ARPC2: variants seen among roughly 807,000 people sequenced by gnomAD.
The protein encoded by ARPC2 is actin related protein 2/3 complex subunit 2.
Under a neutral mutation model 38.6 loss-of-function variants are expected in ARPC2, and 4 were observed. That is an observed-to-expected ratio of 0.10 (90% confidence interval 0.05 to 0.24). The LOEUF (loss-of-function observed/expected upper bound fraction) is 0.24, where lower values mean the gene tolerates loss of function less well. Ranked by LOEUF, ARPC2 falls within the 10% of genes least tolerant of loss-of-function variation. The pLI is 1.00. For synonymous variants in ARPC2, 125 were observed against 140.8 expected, an observed-to-expected ratio of 0.89 and a Z score of 0.79; for missense variants, 229 against 387.3, an observed-to-expected ratio of 0.59 and a Z score of 3.43.
intron 10 of ARPC2, among the ~76,000 whole-genome samples, chr2:218,252,271 C>T (rs569153112): frequency 2.6e-5 from 4 of 152,276 alleles, no homozygotes; most frequent in African/African-American, 9.6e-5. Context: ...TAGGCAAAGG[C>T]CTGTCTCTGT....
chr2:218,227,612 A>G (rs1437182809), intron 3 of ARPC2, among the ~76,000 whole-genome samples: 1 of 149,516 alleles, frequency 6.7e-6, no homozygotes, highest in Non-Finnish European at 1.5e-5. Context: ...TTTTTTCCAG[A>G]CAGCGTCTTG....
intron 8 of ARPC2, among the ~76,000 whole-genome samples, chr2:218,247,652 CAG>C (rs1359247558): frequency 1.3e-5 from 2 of 151,940 alleles, no homozygotes; most frequent in African/African-American, 2.4e-5. Context: ...TCAGTAGAAA[CAG>C]GGTTTCCAGC....
intron 4 of ARPC2, among the ~76,000 whole-genome samples, chr2:218,229,718 G>A (rs1689585747): frequency 6.6e-6 from 1 of 152,172 alleles, no homozygotes. Context: ...ACTAAAATTA[G>A]TCTTAATACC....
At chr2:218,246,359 T>C (rs893657665) in intron 8 of ARPC2, among the ~76,000 whole-genome samples, 22 of 150,926 alleles carry the variant, frequency 1.5e-4, no homozygotes, top group Admixed American at 1.3e-3. Context: ...ACTCCGTCTC[T>C]ACCAAAAAAA....
At chr2:218,223,424 G>T (rs1689427948) in intron 2 of ARPC2, among the ~76,000 whole-genome samples, 1 of 149,806 alleles carries the variant, frequency 6.7e-6, no homozygotes. Flanking sequence ...GAGTAATGAT[G>T]CTGGCAATTT....
At chr2:218,235,241 T>C in intron 5 of ARPC2, 1 of 185,568 alleles carries the variant, frequency 5.4e-6, no homozygotes, top group Non-Finnish European at 1.1e-5. Context: ...GGTACAGTCA[T>C]AGCTCACTGC....
chr2:218,242,823 T>C (rs1237434352), intron 7 of ARPC2, among the ~76,000 whole-genome samples: 1 of 152,198 alleles, frequency 6.6e-6, no homozygotes, highest in East Asian at 1.9e-4. Flanking sequence ...TTCTGTAGGG[T>C]CATTGAGCTT....
intron 10 of ARPC2, among the ~76,000 whole-genome samples, chr2:218,250,690 A>C (rs914333513): frequency 1.3e-5 from 2 of 150,412 alleles, no homozygotes; most frequent in South Asian, 2.1e-4. Flanking sequence ...ATTTGAGGAG[A>C]GCCCTAAATA....
At chr2:218,242,046 G>T (rs963676263) in intron 7 of ARPC2, among the ~76,000 whole-genome samples, 1 of 152,222 alleles carries the variant, frequency 6.6e-6, no homozygotes, top group Non-Finnish European at 1.5e-5. Flanking sequence ...GTTCCTCATG[G>T]TCACTAGTCT....
Position 218,217,208 on chromosome 2 carries a change from C to CGGCAGT in ARPC2, c.-52_-51insAGTGGC. On this transcript the variant is annotated 5_prime_UTR_variant, in exon 1 of 11. Coordinates refer to ENST00000315717, the MANE Select transcript of ARPC2 (RefSeq NM_152862.3). ...GGGCTTGTCGGTGAAGCGGCAGTGG[C>CGGCAGT]GGCGGCGGCGGCGGCTCGGCAGGCG... 2.9e-6 allele frequency: 1 copy of CGGCAGT among 350,580 alleles called. No homozygotes were observed. The highest frequency in any genetic ancestry group is 5.2e-6 in the Non-Finnish European group (1 of 193,892). The allele number at this position is 350,580 out of a possible 1,614,324, so 21.7% of individuals were successfully genotyped here.
At chr2:218,246,260 C>T (rs1690029322) in intron 8 of ARPC2, among the ~76,000 whole-genome samples, 1 of 151,178 alleles carries the variant, frequency 6.6e-6, no homozygotes, top group East Asian at 1.9e-4. Flanking sequence ...CGGTGTCTCA[C>T]GCCTGTAATC....
At chr2:218,238,596 T>TC in intron 5 of ARPC2, 68 bp from the exon 6 acceptor site, 2 of 784,174 alleles carry the variant, frequency 2.6e-6, no homozygotes, top group Non-Finnish European at 3.7e-6. Context: ...GCTGCTTTTT[T>TC]TTTTTTTTTT....
chr2:218,229,084 T>C (rs1689572579), intron 4 of ARPC2: 1 of 353,162 alleles, frequency 2.8e-6, no homozygotes, highest in South Asian at 3.1e-5. Context: ...TCCAAAAACA[T>C]AGCAAAGAAT....
chr2:218,223,712 A>G (rs1042856985), intron 2 of ARPC2, among the ~76,000 whole-genome samples: 6 of 152,196 alleles, frequency 3.9e-5, no homozygotes, highest in Non-Finnish European at 7.4e-5. Flanking sequence ...CACATAGCCA[A>G]TAAATTCTGA....
intron 8 of ARPC2, among the ~76,000 whole-genome samples, chr2:218,247,929 C>T (rs1193004092): frequency 6.9e-6 from 1 of 144,774 alleles, no homozygotes; most frequent in South Asian, 2.3e-4. Context: ...GGCGACAGAA[C>T]AAGACTCCGT....
At chr2:218,229,406 G>C (rs1689580200) in intron 4 of ARPC2, 1 of 152,330 alleles carries the variant, frequency 6.6e-6, no homozygotes, top group East Asian at 1.9e-4. Flanking sequence ...AGCAGGTTTG[G>C]TTCCTGTTGA....
At chr2:218,238,638 G>GTTT in intron 5 of ARPC2, 26 bp from the exon 6 acceptor site, 1 of 761,558 alleles carries the variant, frequency 1.3e-6, no homozygotes, top group South Asian at 2.8e-5. Context: ...GTTGTTTTTT[G>GTTT]TTTCTTGTTT....
At chr2:218,230,952 T>G (rs1018606391) in intron 4 of ARPC2, among the ~76,000 whole-genome samples, 1 of 152,200 alleles carries the variant, frequency 6.6e-6, no homozygotes, top group African/African-American at 2.4e-5. Flanking sequence ...TTTCTTACGA[T>G]GGAGCTCCAG....
intron 3 of ARPC2, among the ~76,000 whole-genome samples, chr2:218,228,291 T>C (rs755281155): frequency 1.6e-4 from 25 of 152,030 alleles, no homozygotes; most frequent in Admixed American, 3.9e-4. Context: ...TAGTCCCAGC[T>C]ACTCGGGAGG....
Sources: gnomAD v4.1 joint callset for allele counts (sites outside exome capture counted in the v4.1 genomes callset) on GRCh38, gnomAD v4.1.1 for gene constraint, MANE v1.5 for transcripts, NCBI Gene and HGNC (gene_info 2026-07-23, HGNC 2026-07-21) for gene names.